Variants in PDZD8 observed in about 807,000 individuals in gnomAD.
PDZD8 encodes PDZ domain-containing protein 8.
In PDZD8, 14 loss-of-function variants were observed where a neutral mutation model predicts 85.8. The observed-to-expected ratio is 0.16, with a 90% CI of 0.11 to 0.26. The LOEUF is 0.26. Ranked by LOEUF, PDZD8 falls within the 10% of genes least tolerant of loss-of-function variation. The pLI, the probability that PDZD8 is intolerant of heterozygous loss-of-function variation, is 1.00. For synonymous variants in PDZD8, 592 were observed against 568.6 expected, an observed-to-expected ratio of 1.04 and a Z score of -0.59; for missense variants, 1,197 against 1,424.3, an observed-to-expected ratio of 0.84 and a Z score of 2.57.
chr10:117,285,539 G>T, intron 4 of PDZD8, 68 bp from the exon 5 acceptor site: 1 of 1,336,108 alleles, frequency 7.5e-7, no homozygotes, highest in Non-Finnish European at 1.0e-6. Context: ...TTTGTTAAAT[G>T]TATTTAATTA....
In PDZD8 at chr10:117,282,618, G is replaced by A. The variant is rs1045791750; in HGVS notation, c.*650C>T. 3.3e-5 allele frequency: 5 copies of A among 152,012 alleles called. No individual in the cohort carries two copies. The highest frequency in any genetic ancestry group is 7.4e-5 in the Non-Finnish European group (5 of 67,994). The allele number at this position is 152,012 out of a possible 1,614,324, so 9.4% of individuals were successfully genotyped here. ...AGCTTTAGAAAAAAATTTCACAGAA[G>A]CATCGAAAGCAAGCAATATATGTAA... On this transcript the variant is annotated 3_prime_UTR_variant, in exon 5 of 5. Transcript: ENST00000334464.
At chr10:117,293,568 C>A (rs1014815288) in intron 3 of PDZD8, among the ~76,000 whole-genome samples, 1 of 152,014 alleles carries the variant, frequency 6.6e-6, no homozygotes, top group East Asian at 1.9e-4. Context: ...TAACAAATTC[C>A]TCCTATCCTT....
Position 117,374,829 on chromosome 10 carries a change from G to T in PDZD8, c.399C>A (p.Thr133=), listed in dbSNP as rs115881839. The change falls in exon 1 of 5, where the codon ACC becomes ACA. Residue 133 remains threonine (T), a synonymous_variant. Transcript: ENST00000334464. This position sits in a 1 kb window ranked among gnomAD's most constrained non-coding sequence, Gnocchi z 7.8. ...CCTCCAGCAGGCGCCCGGCCGTCTT[G>T]GTCTGCAGCAGCTCCTCGAACTCCA... ...IKVEFEELLQ[T]KTAGRLLEGL... The T allele has an allele frequency of 4.8e-5, 78 of 1,613,502 alleles. No individual in the cohort carries two copies. The African/African-American group carries it at 8.5e-4, about 18-fold the overall frequency.
chr10:117,290,697 T>C (rs1844743510), intron 3 of PDZD8, among the ~76,000 whole-genome samples: 1 of 152,028 alleles, frequency 6.6e-6, no homozygotes, highest in Non-Finnish European at 1.5e-5. Context: ...TTTTCTAATA[T>C]ATATTTAACA....
chr10:117,290,154 A>G (rs760877639), intron 4 of PDZD8, 32 bp downstream of exon 4: 1 of 1,553,166 alleles, frequency 6.4e-7, no homozygotes, highest in Non-Finnish European at 8.7e-7. Flanking sequence ...TTATCTGTAA[A>G]GGTAAAGTAT....
chr10:117,354,345 C>T lies in PDZD8; in HGVS notation c.873-13243G>A, dbSNP rs183504317. Among the ~76,000 whole-genome samples the T allele has an allele frequency of 5.9e-5, 9 of 152,308 alleles. No individual in the cohort carries two copies. The East Asian group carries it at 9.6e-4, about 16-fold the overall frequency. On this transcript the variant is annotated intron_variant, in intron 1 of 4. Coordinates refer to ENST00000334464, the MANE Select transcript of PDZD8 (RefSeq NM_173791.5). ...CACATGTGATACACCTAATCAAGTT[C>T]GTGGCTTGTTATAAGCACACAAATT...
chr10:117,318,774 A>G (rs1844173770), intron 3 of PDZD8, 98 bp downstream of exon 3: 4 of 840,858 alleles, frequency 4.8e-6, no homozygotes, highest in South Asian at 3.3e-5. Flanking sequence ...CTATTTGCAC[A>G]TGACCAAAAA....
At position 117,279,686 on chromosome 10, in the gene PDZD8, C is replaced by T. The variant is rs946024662; in HGVS notation, c.*3582G>A. The T allele has an allele frequency of 7.9e-5, 12 of 152,126 alleles. No individual in the cohort carries two copies. Among genetic ancestry groups the T allele is most frequent in the African/African-American group, 2.9e-4 (12 of 41,426 alleles). 9.4% of individuals were successfully genotyped at this position (152,126 alleles called of 1,614,324 possible). A position where few individuals can be genotyped will look rare whatever the true frequency, so the allele number is the denominator to read the frequency against. ...CCTTCCATCTATAAACATTGTTGTC[C>T]TGATGGTTGTCAACAAATAACCATA... is the stretch of plus-strand genomic sequence containing the variant. On this transcript the variant is annotated 3_prime_UTR_variant, in exon 5 of 5. Transcript: ENST00000334464.
chr10:117,303,816 G>A (rs1843888262), intron 3 of PDZD8, among the ~76,000 whole-genome samples: 1 of 152,182 alleles, frequency 6.6e-6, no homozygotes, highest in Non-Finnish European at 1.5e-5. Flanking sequence ...CAGCCTGTGG[G>A]TGCACAGAAG....
intron 1 of PDZD8, among the ~76,000 whole-genome samples, chr10:117,351,562 T>A (rs1020951947): frequency 6.6e-6 from 1 of 152,252 alleles, no homozygotes; most frequent in African/African-American, 2.4e-5. Context: ...TAACACTCTG[T>A]TGCTTGTTTT....
At chr10:117,369,775 G>A (rs1391949367) in intron 1 of PDZD8, among the ~76,000 whole-genome samples, 1 of 152,134 alleles carries the variant, frequency 6.6e-6, no homozygotes, top group Non-Finnish European at 1.5e-5. Flanking sequence ...TTGTTGCTCT[G>A]AGAAATGCAG....
At chr10:117,327,596 T>C (rs1447801405) in intron 2 of PDZD8, among the ~76,000 whole-genome samples, 5 of 152,180 alleles carry the variant, frequency 3.3e-5, no homozygotes. Flanking sequence ...TTTCTGCCAT[T>C]GCCCAGTGGG....
In PDZD8 at chr10:117,290,295, G is replaced by T; in HGVS notation, c.1152C>A (p.Val384=). 6.2e-7 allele frequency: 1 copy of T among 1,613,562 alleles called. No individual in the cohort carries two copies. ...GCCCAGCATACCCATCAGTTGACTG[G>T]ACAAGACGAAGTGTAAGTCCAACAC... is the stretch of plus-strand genomic sequence containing the variant. ...LQSVGLTLRL[V]QSTDGYAGHV... The change falls in exon 4 of 5, where the codon GTC becomes GTA. Residue 384 remains valine (V), a synonymous_variant. Transcript: ENST00000334464.
intron 1 of PDZD8, 109 bp from the exon 2 acceptor site, chr10:117,341,211 T>C (rs1050990943): frequency 1.7e-6 from 2 of 1,161,854 alleles, no homozygotes; most frequent in Non-Finnish European, 1.2e-6. Context: ...CACCTAATAC[T>C]ACACGTGCTC....
At chr10:117,290,161 G>C (rs370958389) in intron 4 of PDZD8, 25 bp downstream of exon 4, 2 of 1,599,186 alleles carry the variant, frequency 1.3e-6, no homozygotes, top group Non-Finnish European at 1.7e-6. Context: ...TAAAGGTAAA[G>C]TATAATGCAT....
intron 1 of PDZD8, among the ~76,000 whole-genome samples, chr10:117,372,408 TAAA>T (rs5788228): frequency 2.6e-5 from 4 of 151,202 alleles, no homozygotes; most frequent in Non-Finnish European, 5.9e-5. Context: ...AAGTCTACAT[TAAA>T]AAAAAAATCT....
chr10:117,308,205 C>T (rs887587392), intron 3 of PDZD8, among the ~76,000 whole-genome samples: 5 of 152,058 alleles, frequency 3.3e-5, no homozygotes, highest in Non-Finnish European at 7.4e-5. Context: ...CTCCTTATAA[C>T]AGCTCTTAAT....
At chr10:117,337,693 T>C (rs554561133) in intron 2 of PDZD8, among the ~76,000 whole-genome samples, 1 of 152,296 alleles carries the variant, frequency 6.6e-6, no homozygotes, top group South Asian at 2.1e-4. Flanking sequence ...GACATAATAA[T>C]AGAAGCTACA....
chr10:117,308,260 A>C (rs1006055106), intron 3 of PDZD8, among the ~76,000 whole-genome samples: 3 of 152,048 alleles, frequency 2.0e-5, no homozygotes, highest in Non-Finnish European at 4.4e-5. Flanking sequence ...ACACAATCTT[A>C]AACAACAACA....
Sources: allele counts gnomAD v4.1 joint callset (sites outside exome capture counted in the v4.1 genomes callset), GRCh38; gene constraint gnomAD v4.1.1; non-coding constraint Gnocchi (gnomAD v3.1); transcripts MANE v1.5; gene names NCBI Gene and HGNC (gene_info 2026-07-23, HGNC 2026-07-21).